The following RAD50 variants were observed in gnomAD, a reference collection of about 807,000 sequenced individuals.
RAD50 encodes DNA repair protein RAD50.
Under a neutral mutation model 168.8 loss-of-function variants are expected in RAD50, and 132 were observed. That is an observed-to-expected ratio of 0.78 (90% CI 0.68 to 0.90). The LOEUF (loss-of-function observed/expected upper bound fraction) is 0.90, where lower values mean the gene tolerates loss of function less well. RAD50 is among the 40% of genes least tolerant of loss of function. RAD50 has a pLI of 0.00. For synonymous variants in RAD50, 525 were observed against 497.4 expected, an observed-to-expected ratio of 1.06 and a Z score of -0.74; for missense variants, 1,347 against 1,534.4, an observed-to-expected ratio of 0.88 and a Z score of 2.04.
chr5:132,605,146 G>T, intron 16 of RAD50, 147 bp downstream of exon 16: 1 of 543,660 alleles, frequency 1.8e-6, no homozygotes, highest in South Asian at 3.2e-5. Context: ...CTGGGTTCAA[G>T]TGATTCTCTT....
At position 132,642,240 on chromosome 5, in the gene RAD50, A is replaced by AT. The variant is rs1751740888; in HGVS notation, c.3819dup (p.Val1274CysfsTer8). 1 of 1,614,174 alleles carries AT rather than the reference A, an allele frequency of 6.2e-7. No individual in the cohort carries two copies. The highest frequency in any genetic ancestry group is 1.7e-5 in the Admixed American group (1 of 60,026). ...CTTCTGGTAATCACTCATGATGAAG[A>AT]TTTTGTGGAGCTTTTAGGACGTTCT... On this transcript the variant is annotated frameshift_variant, in exon 25 of 25. Transcript: ENST00000378823. LOFTEE classifies it high-confidence loss of function.
At chr5:132,576,871 T>G (rs973633810) in intron 3 of RAD50, among the ~76,000 whole-genome samples, 1 of 100,026 alleles carries the variant, frequency 1.0e-5, no homozygotes, top group Admixed American at 9.1e-5. Flanking sequence ...AGCCTCTGTT[T>G]ATTTCATTTG....
chr5:132,591,130 C>A, intron 9 of RAD50, 94 bp from the exon 10 acceptor site: 1 of 1,264,352 alleles, frequency 7.9e-7, no homozygotes, highest in Non-Finnish European at 1.2e-6. Flanking sequence ...TTGGAACATT[C>A]TGAGGAGTAG....
intron 21 of RAD50, among the ~76,000 whole-genome samples, chr5:132,620,105 C>T (rs1286887180): frequency 6.6e-6 from 1 of 151,712 alleles, no homozygotes; most frequent in Non-Finnish European, 1.5e-5. Flanking sequence ...TGGGGTTTCA[C>T]CGTGTTAGCC....
rs1405247163 is a variant in RAD50, at chr5:132,643,711, G to GGGT, written c.*1356_*1358dup. 469 of 221,988 alleles carry GGGT rather than the reference G, an allele frequency of 2.1e-3. 4 individuals carry two copies. The highest frequency in any genetic ancestry group is 0.014 in the South Asian group (75 of 5,218). 13.8% of individuals were successfully genotyped at this position (221,988 alleles called of 1,614,324 possible). On this transcript the variant is annotated 3_prime_UTR_variant, in exon 25 of 25. Coordinates refer to ENST00000378823, the MANE Select transcript of RAD50 (RefSeq NM_005732.4). ...AGGACCTTAAGACAGAGTATCCTGG[G>GGGT]GGTGGTGGTGGGGTGGGGGGGGGTC...
At chr5:132,619,571 G>A (rs1006554430) in intron 21 of RAD50, among the ~76,000 whole-genome samples, 1 of 151,546 alleles carries the variant, frequency 6.6e-6, no homozygotes, top group Admixed American at 6.6e-5. Flanking sequence ...GGCCCTATTG[G>A]TCTTTTCTTA....
At chr5:132,642,145 T>C (rs988727127) in intron 24 of RAD50, 33 bp from the exon 25 acceptor site, 2 of 1,599,726 alleles carry the variant, frequency 1.3e-6, no homozygotes, top group Non-Finnish European at 1.7e-6. Context: ...TTATGCTCTT[T>C]ACTAATAATA....
At chr5:132,613,038 G>T (rs1392226858) in intron 19 of RAD50, among the ~76,000 whole-genome samples, 6 of 151,514 alleles carry the variant, frequency 4.0e-5, no homozygotes, top group African/African-American at 1.5e-4. Context: ...CTAGACTTTT[G>T]GTGGACATTG....
chr5:132,580,141 A>T, intron 5 of RAD50, 75 bp downstream of exon 5: 1 of 1,291,782 alleles, frequency 7.7e-7, no homozygotes, highest in Non-Finnish European at 1.1e-6. Flanking sequence ...TGATATAAGT[A>T]TACATCGTGG....
intron 9 of RAD50, among the ~76,000 whole-genome samples, chr5:132,590,349 A>T (rs891699037): frequency 6.6e-6 from 1 of 152,326 alleles, no homozygotes; most frequent in Non-Finnish European, 1.5e-5. Flanking sequence ...GTGTGCCTGT[A>T]ATCCCAGCTA....
At chr5:132,622,940 C>T (rs1159325629) in intron 21 of RAD50, among the ~76,000 whole-genome samples, 6 of 152,120 alleles carry the variant, frequency 3.9e-5, no homozygotes, top group Admixed American at 2.6e-4. Flanking sequence ...TTGGTAGGTT[C>T]CTAGACTATA....
chr5:132,605,517 A>C (rs1056328382), intron 16 of RAD50, among the ~76,000 whole-genome samples: 1 of 151,986 alleles, frequency 6.6e-6, no homozygotes, highest in African/African-American at 2.4e-5. Context: ...GCTAATTTTT[A>C]AAATTTTTCT....
At chr5:132,610,801 T>A (rs571021642) in intron 19 of RAD50, among the ~76,000 whole-genome samples, 1 of 152,342 alleles carries the variant, frequency 6.6e-6, no homozygotes, top group Non-Finnish European at 1.5e-5. Context: ...ATCTGTAAAT[T>A]CGCAGCAGCT....
chr5:132,587,475 C>G (rs927168945), intron 5 of RAD50, 87 bp from the exon 6 acceptor site: 70 of 1,549,886 alleles, frequency 4.5e-5, no homozygotes, highest in Admixed American at 7.7e-5. Context: ...TACTAAATGC[C>G]TGGACCTGGA....
At chr5:132,612,215 A>G (rs563972213) in intron 19 of RAD50, among the ~76,000 whole-genome samples, 3 of 152,368 alleles carry the variant, frequency 2.0e-5, no homozygotes, top group African/African-American at 7.2e-5. Context: ...ACATGAATGA[A>G]CCCTTAAAAC....
rs786201531 is a variant in RAD50 at position 132,579,486 on chromosome 5, AT to A, written c.541del (p.Ser181GlnfsTer9). 17 of 1,612,992 alleles carry A rather than the reference AT, an allele frequency of 1.1e-5. No homozygotes were observed. The highest frequency in any genetic ancestry group is 1.3e-5 in the African/African-American group (1 of 74,848). On this transcript the variant is annotated frameshift_variant, in exon 4 of 25. Coordinates refer to ENST00000378823, the MANE Select transcript of RAD50 (RefSeq NM_005732.4). LOFTEE classifies it high-confidence loss of function. ...GGCTTTGAAGCAAAAGTTTGATGAG[AT>A]TTTTTCAGCAACAAGGTTTGTAACC... is the stretch of plus-strand genomic sequence containing the variant. The part of the protein sequence containing the change: ...GKALKQKFDE[I>X]FSATRYIKAL...
intron 5 of RAD50, among the ~76,000 whole-genome samples, chr5:132,586,142 T>C (rs902424403): frequency 2.6e-5 from 4 of 151,620 alleles, no homozygotes; most frequent in Non-Finnish European, 5.9e-5. Context: ...AGTATATGCT[T>C]CATTTCAGAA....
chr5:132,603,904 T>C lies in RAD50; in HGVS notation c.2398-16T>C. The C allele has an allele frequency of 6.4e-7, 1 of 1,573,608 alleles. No homozygotes were observed. Among genetic ancestry groups the C allele is most frequent in the Non-Finnish European group, 8.7e-7 (1 of 1,145,314 alleles). ...AGTAAGTTTATTAAAGGAAATCATT[T>C]TGTTATATTCTTAAGATGGAACTTA... On this transcript the variant is annotated splice_polypyrimidine_tract_variant and intron_variant, in intron 14 of 24. Coordinates refer to ENST00000378823, the MANE Select transcript of RAD50 (RefSeq NM_005732.4).
rs115737081 is a variant in RAD50, at chr5:132,616,000, T to C, written c.3037-3T>C. Reference sequence around the variant, plus strand: ...TGTTAACTAATTTAATGTTTACCTTTAGATACAAGAAAGGTGGCTACAAGA... The same window carrying C: ...TGTTAACTAATTTAATGTTTACCTTCAGATACAAGAAAGGTGGCTACAAGA... On this transcript the variant is annotated splice_region_variant and splice_polypyrimidine_tract_variant and intron_variant, in intron 19 of 24. Coordinates refer to ENST00000378823, the MANE Select transcript of RAD50 (RefSeq NM_005732.4). The C allele has an allele frequency of 1.3e-3, 2,033 of 1,577,528 alleles. 17 individuals are homozygous for C. In the African/African-American group the frequency reaches 0.02, roughly 16 times the overall value.
Sources: gnomAD v4.1 joint callset for allele counts (sites outside exome capture counted in the v4.1 genomes callset) on GRCh38, gnomAD v4.1.1 for gene constraint, MANE v1.5 for transcripts, NCBI Gene and HGNC (gene_info 2026-07-23, HGNC 2026-07-21) for gene names.